Variants in CELF2 observed in about 807,000 individuals in gnomAD.
CELF2 encodes the protein CUGBP Elav-like family member 2.
CELF2 carries 8 observed loss-of-function variants against 62.6 expected under a neutral mutation model. The ratio of observed to expected loss-of-function variants is 0.13; its 90% CI spans 0.07 to 0.23. The LOEUF (loss-of-function observed/expected upper bound fraction) is 0.23. Among genes scored for constraint, CELF2 ranks in the 10% least tolerant of loss-of-function variants. CELF2 has a pLI of 1.00. For synonymous variants in CELF2, 258 were observed against 250.0 expected, an observed-to-expected ratio of 1.03 and a Z score of -0.30; for missense variants, 333 against 671.0, an observed-to-expected ratio of 0.50 and a Z score of 5.56.
At chr10:11,113,639 T>A (rs1196263971) in intron 1 of CELF2, among the ~76,000 whole-genome samples, 5 of 152,198 alleles carry the variant, frequency 3.3e-5, no homozygotes, top group African/African-American at 1.2e-4. Context: ...AAGCAAGTAT[T>A]CCTTAAATTG....
At position 11,217,060 on chromosome 10, in the gene CELF2, G is replaced by A. The variant is rs996026959; in HGVS notation, c.272-365G>A. ...ACACTTTAAGAAAATTATAATTAAT[G>A]TAAGCTTGTGCTGTTGTTATTGTGA... On this transcript the variant is annotated intron_variant, in intron 2 of 12. Coordinates refer to ENST00000633077, the MANE Select transcript of CELF2 (RefSeq NM_001326342.2). The surrounding 1 kb of genome is among the most constrained non-coding windows in gnomAD (Gnocchi z 5.6). Among the ~76,000 whole-genome samples the A allele has an allele frequency of 1.3e-5, 2 of 152,322 alleles. No individual in the cohort carries two copies. Among genetic ancestry groups the A allele is most frequent in the Non-Finnish European group, 2.9e-5 (2 of 68,042 alleles).
chr10:11,081,477 A>G (rs2762553), intron 1 of CELF2, among the ~76,000 whole-genome samples: 50,217 of 151,970 alleles, frequency 0.33, 9,040 homozygotes, highest in African/African-American at 0.44. Context: ...TCACGTTCCC[A>G]ATAGAACATT....
At chr10:10,467,591 A>G in the CELF2 span, among the ~76,000 whole-genome samples, 3 of 152,074 alleles carry the variant, frequency 2.0e-5, no homozygotes, top group African/African-American at 7.2e-5. Context: ...ATTTGCTCAT[A>G]AATATTTACC....
At chr10:11,175,880 C>A (rs1163460859) in intron 2 of CELF2, among the ~76,000 whole-genome samples, 3 of 152,106 alleles carry the variant, frequency 2.0e-5, no homozygotes, top group Non-Finnish European at 4.4e-5. Flanking sequence ...GATGAGCAAG[C>A]CATGTTCTTT....
intron 2 of CELF2, among the ~76,000 whole-genome samples, chr10:11,201,478 T>C (rs2059199160): frequency 6.6e-6 from 1 of 152,188 alleles, no homozygotes; most frequent in Admixed American, 6.5e-5. Flanking sequence ...GGAAAGAAAG[T>C]ATGGAGGACT....
At chr10:10,659,188 G>C in the CELF2 span, among the ~76,000 whole-genome samples, 2 of 152,082 alleles carry the variant, frequency 1.3e-5, no homozygotes, top group South Asian at 4.2e-4. Flanking sequence ...TTCTTGATCC[G>C]ACTAATCCCT....
the CELF2 span, among the ~76,000 whole-genome samples, chr10:10,656,910 A>G: frequency 7.5e-6 from 1 of 133,168 alleles, no homozygotes; most frequent in African/African-American, 2.8e-5. Context: ...TGCACATGGT[A>G]GAATCAATAA....
chr10:11,109,903 G>T (rs2054672079), intron 1 of CELF2, among the ~76,000 whole-genome samples: 1 of 152,152 alleles, frequency 6.6e-6, no homozygotes, highest in Non-Finnish European at 1.5e-5. Flanking sequence ...AGTCGAGGCA[G>T]GTGAGAGAGC....
At chr10:11,026,383 G>A (rs950647294) in intron 1 of CELF2, among the ~76,000 whole-genome samples, 4 of 152,214 alleles carry the variant, frequency 2.6e-5, no homozygotes, top group South Asian at 4.2e-4. Context: ...CGCCTCCCCC[G>A]CCACACACAC....
the CELF2 span, among the ~76,000 whole-genome samples, chr10:10,634,851 C>T: frequency 1.2e-4 from 18 of 152,040 alleles, no homozygotes; most frequent in South Asian, 6.2e-4. Flanking sequence ...TTAGTAGAGA[C>T]GGGGTTTCCC....
chr10:10,651,093 T>C, the CELF2 span, among the ~76,000 whole-genome samples: 53,514 of 137,188 alleles, frequency 0.39, 9,521 homozygotes, highest in South Asian at 0.63. Context: ...CCTTTCCAAG[T>C]CAAAGAAAGG....
chr10:11,018,200 C>T lies in CELF2; in HGVS notation c.74+37C>T, dbSNP rs768750121. The T allele has an allele frequency of 1.1e-5, 16 of 1,486,804 alleles. No individual in the cohort carries two copies. The Middle Eastern group carries it at 5.3e-4, about 50-fold the overall frequency. The allele number at this position is 1,486,804 out of a possible 1,614,324, so 92.1% of individuals were successfully genotyped here. A position where few individuals can be genotyped will look rare whatever the true frequency, so the allele number is the denominator to read the frequency against. On this transcript the variant is annotated intron_variant, in intron 1 of 12. Transcript: ENST00000633077. ...CGCGTCCCGAGGCCGGGCGAGCGGG[C>T]GTCCTCCTCCCAGAGTCGGCGGCGC...
the CELF2 span, among the ~76,000 whole-genome samples, chr10:10,738,624 G>A: frequency 4.6e-5 from 7 of 152,152 alleles, no homozygotes; most frequent in African/African-American, 1.7e-4. Flanking sequence ...CCGAGGTTTT[G>A]AGCCATTATC....
intron 1 of CELF2, chr10:11,096,395 A>C (rs564023660): frequency 3.3e-5 from 5 of 152,370 alleles, no homozygotes; most frequent in African/African-American, 9.6e-5. Context: ...TGTAGTGTTG[A>C]CTTAAGCTCA....
intron 1 of CELF2, among the ~76,000 whole-genome samples, chr10:11,108,406 G>A (rs1429576349): frequency 6.6e-6 from 1 of 151,108 alleles, no homozygotes; most frequent in Non-Finnish European, 1.5e-5. Context: ...TTTGCTAGGT[G>A]TGCATCTTAC....
At chr10:10,680,175 ATGTG>A in the CELF2 span, among the ~76,000 whole-genome samples, 2 of 145,634 alleles carry the variant, frequency 1.4e-5, no homozygotes, top group East Asian at 2.0e-4. Context: ...GTATGTATGT[ATGTG>A]CGTATGTGTA....
At chr10:10,747,270 A>G in the CELF2 span, among the ~76,000 whole-genome samples, 1 of 152,238 alleles carries the variant, frequency 6.6e-6, no homozygotes. Flanking sequence ...TATTTCTCCA[A>G]GGTTTCTTTT....
the CELF2 span, among the ~76,000 whole-genome samples, chr10:10,651,278 G>T: frequency 6.9e-6 from 1 of 145,928 alleles, no homozygotes; most frequent in Non-Finnish European, 1.5e-5. Flanking sequence ...CTGCAAGGCG[G>T]CAGTGAGGCT....
rs7070692 is a variant in CELF2, at chr10:10,994,012, G to A, written c.89+74013G>A. 3.6e-3 allele frequency among the ~76,000 whole-genome samples: 554 copies of A among 152,282 alleles called. 5 individuals carry two copies. The highest frequency in any genetic ancestry group is 0.013 in the African/African-American group (529 of 41,550). ...CCTTGATCTTGACTTCCAGCCTCCA[G>A]AACTGTGAGAAATAAATTTTTGTTT... is the stretch of plus-strand genomic sequence containing the variant. On this transcript the variant is annotated intron_variant, in intron 2 of 13. Transcript: ENST00000636488.
Sources: gnomAD v4.1 joint callset for allele counts (sites outside exome capture counted in the v4.1 genomes callset) on GRCh38, gnomAD v4.1.1 for gene constraint, Gnocchi (gnomAD v3.1) non-coding constraint, MANE v1.5 for transcripts, NCBI Gene and HGNC (gene_info 2026-07-23, HGNC 2026-07-21) for gene names.